Variants in CLEC12A observed in about 807,000 individuals in gnomAD.
CLEC12A encodes the protein C-type lectin protein CLL-1.
A neutral mutation model predicts 26.5 loss-of-function variants in CLEC12A; 22 were observed. The ratio of observed to expected loss-of-function variants is 0.83; its 90% CI spans 0.59 to 1.19. The LOEUF (loss-of-function observed/expected upper bound fraction) is 1.19, where lower values mean the gene tolerates loss of function less well. Among genes scored for constraint, CLEC12A ranks in the 50% most tolerant of loss-of-function variants. The probability of loss-of-function intolerance (pLI) is 0.00; values close to 1 mark genes in which losing one functional copy is unlikely to be tolerated. For missense variants in CLEC12A, 353 were observed against 315.6 expected, an observed-to-expected ratio of 1.12 and a Z score of -0.90; for synonymous variants, 119 against 101.9, an observed-to-expected ratio of 1.17 and a Z score of -1.01.
chr12:9,993,212 G>T, intron 4 of CLEC12A: 1 of 1,612,860 alleles, frequency 6.2e-7, no homozygotes, highest in Middle Eastern at 1.7e-4. Flanking sequence ...TGTTCTCACA[G>T]AAGGTAGGGT....
chr12:9,993,900 G>T (rs1453074605), intron 4 of CLEC12A, among the ~76,000 whole-genome samples: 1 of 152,106 alleles, frequency 6.6e-6, no homozygotes, highest in Non-Finnish European at 1.5e-5. Flanking sequence ...TGACAAAGTT[G>T]TTCTATGTGC....
chr12:9,994,616 C>T (rs946621957), intron 4 of CLEC12A, among the ~76,000 whole-genome samples: 1 of 151,946 alleles, frequency 6.6e-6, no homozygotes, highest in African/African-American at 2.4e-5. Flanking sequence ...GACAAAGCTT[C>T]GTTAATGGAC....
At position 9,979,370 on chromosome 12, in the gene CLEC12A, GAACA is replaced by G. The variant is rs778488294; in HGVS notation, c.229_232del (p.Lys77TyrfsTer16). 5.5e-5 allele frequency: 88 copies of G among 1,601,558 alleles called. No homozygotes were observed. Among genetic ancestry groups the G allele is most frequent in the Non-Finnish European group, 7.1e-5 (83 of 1,174,224 alleles). ...CTTTGAAGATAGAAATGAAAAAAATGAACAAACTACAAAACATCAGTGAAGAGCT... is the reference window on the plus strand; with the variant it reads ...CTTTGAAGATAGAAATGAAAAAAATGAACTACAAAACATCAGTGAAGAGCT... On this transcript the variant is annotated frameshift_variant, in exon 3 of 6. Transcript: ENST00000304361. LOFTEE classifies it high-confidence loss of function.
chr12:9,979,556 G>A, intron 3 of CLEC12A, 32 bp downstream of exon 3: 1 of 1,527,808 alleles, frequency 6.5e-7, no homozygotes. Context: ...GTTATTTATT[G>A]GACAATAAAC....
chr12:9,983,608 G>A lies in CLEC12A; in HGVS notation c.642-1262G>A, dbSNP rs1026876377. ...AAGTCCATCATTTAACACGTTTTTA[G>A]TATATACTTTTAGCAGGAGACAGCT... On this transcript the variant is annotated intron_variant, in intron 5 of 5. Coordinates refer to ENST00000304361, the MANE Select transcript of CLEC12A (RefSeq NM_138337.6). 5 of 646,342 alleles carry A rather than the reference G, an allele frequency of 7.7e-6. No individual in the cohort carries two copies. In the East Asian group the frequency reaches 1.4e-4, roughly 18 times the overall value. 40.0% of individuals were successfully genotyped at this position (646,342 alleles called of 1,614,324 possible). A position where few individuals can be genotyped will look rare whatever the true frequency, so the allele number is the denominator to read the frequency against.
At chr12:10,000,756 T>G in the CLEC12A span, among the ~76,000 whole-genome samples, 1 of 152,172 alleles carries the variant, frequency 6.6e-6, no homozygotes, top group African/African-American at 2.4e-5. Context: ...TCTGGAAGAT[T>G]GGGGTTGGAA....
At chr12:9,997,410 T>G, downstream of CLEC12A, 2 of 776,258 alleles carry the variant, frequency 2.6e-6, no homozygotes, top group Admixed American at 5.7e-5. Flanking sequence ...CATGATTAAA[T>G]GAATGTTGAA....
At chr12:9,977,840 C>T (rs1864398066) in intron 1 of CLEC12A, among the ~76,000 whole-genome samples, 1 of 152,108 alleles carries the variant, frequency 6.6e-6, no homozygotes, top group Non-Finnish European at 1.5e-5. Flanking sequence ...AAATACAAGG[C>T]ACTCAAAAGA....
chr12:9,995,825 A>G (rs1865030594), downstream of CLEC12A: 1 of 163,218 alleles, frequency 6.1e-6, no homozygotes. Flanking sequence ...ACTAAACTAT[A>G]TACTATATCA....
In CLEC12A at chr12:9,979,489, C is replaced by T; in HGVS notation, c.344C>T (p.Thr115Ile). Residue 115 changes from threonine (T) to isoleucine (I), a missense_variant, in exon 3 of 6, where the codon ACC (threonine) becomes ATC (isoleucine). Transcript: ENST00000304361. ...TCCACCACACTGCAAACAATAGCCA[C>T]CAAATTATGTCGTGAGCTATATAGC... ...NLSTTLQTIA[T>I]KLCRELYSKE... 6.2e-7 allele frequency: 1 copy of T among 1,613,244 alleles called. No individual in the cohort carries two copies. The highest frequency in any genetic ancestry group is 8.5e-7 in the Non-Finnish European group (1 of 1,179,590).
At chr12:10,002,548 T>G in the CLEC12A span, among the ~76,000 whole-genome samples, 1 of 96,464 alleles carries the variant, frequency 1.0e-5, no homozygotes, top group African/African-American at 3.9e-5. Context: ...GTTCACCCCA[T>G]TCTCCTGCCA....
chr12:10,000,397 A>G (rs1865144572), downstream of CLEC12A, among the ~76,000 whole-genome samples: 1 of 152,196 alleles, frequency 6.6e-6, no homozygotes, highest in African/African-American at 2.4e-5. Flanking sequence ...TATTTTGAGA[A>G]TGAGGTGAAG....
In CLEC12A at chr12:9,959,479, T is replaced by G. The variant is rs1863796338; in HGVS notation, c.10+8123T>G. On this transcript the variant is annotated intron_variant, in intron 1 of 6. Coordinates refer to the CLEC12A transcript ENST00000355690. ...AAAAAAAAAAAAAAGAAGAAAGAAA[T>G]ATTAACCTTACTTTTTGGTTTTTGG... Among the ~76,000 whole-genome samples the G allele has an allele frequency of 2.7e-5, 4 of 150,884 alleles. No homozygotes were observed. The South Asian group carries it at 8.3e-4, about 31-fold the overall frequency.
chr12:9,982,999 T>G (rs1475668361), intron 5 of CLEC12A, among the ~76,000 whole-genome samples: 2 of 152,172 alleles, frequency 1.3e-5, no homozygotes, highest in African/African-American at 2.4e-5. Flanking sequence ...TAGTATTTCA[T>G]GGTGTATACA....
intron 1 of CLEC12A, among the ~76,000 whole-genome samples, chr12:9,957,935 G>T (rs1194096088): frequency 6.6e-6 from 1 of 152,176 alleles, no homozygotes; most frequent in Non-Finnish European, 1.5e-5. Flanking sequence ...AGAATATTGG[G>T]TCAGGCTTTG....
At chr12:9,969,118 A>T (rs1864042002), upstream of CLEC12A, among the ~76,000 whole-genome samples, 1 of 152,230 alleles carries the variant, frequency 6.6e-6, no homozygotes, top group South Asian at 2.1e-4. Flanking sequence ...GGGGATAAAG[A>T]TAAGTTGGTT....
At chr12:9,986,249 C>T (rs1864762751), downstream of CLEC12A, 2 of 361,668 alleles carry the variant, frequency 5.5e-6, no homozygotes, top group South Asian at 4.0e-5. Context: ...GGAACCTATT[C>T]CATTAGGGTA....
intron 1 of CLEC12A, among the ~76,000 whole-genome samples, chr12:9,965,062 T>C (rs976307648): frequency 2.9e-4 from 44 of 152,038 alleles, no homozygotes; most frequent in African/African-American, 1.0e-3. Flanking sequence ...AGAAAGAAAA[T>C]AGATTTTGGA....
At chr12:9,993,056 A>C in intron 4 of CLEC12A, 1 of 1,249,220 alleles carries the variant, frequency 8.0e-7, no homozygotes, top group Non-Finnish European at 1.1e-6. Context: ...GGGAGAAATA[A>C]GCAATTTTCA....
Sources: gnomAD v4.1 joint callset for allele counts (sites outside exome capture counted in the v4.1 genomes callset) on GRCh38, gnomAD v4.1.1 for gene constraint, MANE v1.5 for transcripts, NCBI Gene and HGNC (gene_info 2026-07-23, HGNC 2026-07-21) for gene names.